The following PAWR variants were observed in gnomAD, a reference collection of about 807,000 sequenced individuals.
PAWR encodes the protein pro-apoptotic WT1 regulator.
In PAWR, 23 loss-of-function variants were observed where a neutral mutation model predicts 32.0. The ratio of observed to expected loss-of-function variants is 0.72; its 90% CI spans 0.52 to 1.02. The LOEUF (loss-of-function observed/expected upper bound fraction) is 1.02, where lower values mean the gene tolerates loss of function less well. PAWR is among the 50% of genes least tolerant of loss of function. The pLI, the probability that PAWR is intolerant of heterozygous loss-of-function variation, is 0.00. For synonymous variants in PAWR, 226 were observed against 187.1 expected (o/e 1.21, Z -1.70); for missense variants, 457 against 437.7 (o/e 1.04, Z -0.39).
In PAWR at chr12:79,587,232, C is replaced by T. The variant is rs1873409876; in HGVS notation, c.*5375G>A. 2.6e-5 allele frequency: 4 copies of T among 152,100 alleles called. No individual in the cohort carries two copies. In the South Asian group the frequency reaches 8.3e-4, roughly 31 times the overall value. The allele number at this position is 152,100 out of a possible 1,614,324, so 9.4% of individuals were successfully genotyped here. A position where few individuals can be genotyped will look rare whatever the true frequency, so the allele number is the denominator to read the frequency against. ...TGAAGAGTTTATCTAAATAGACTGA[C>T]TTAAGGATGCTTTTCCTCTTGTTAG... On this transcript the variant is annotated 3_prime_UTR_variant, in exon 7 of 7. Coordinates refer to ENST00000328827, the MANE Select transcript of PAWR (RefSeq NM_002583.4).
At chr12:79,607,565 C>G (rs1874237602) in intron 4 of PAWR, among the ~76,000 whole-genome samples, 3 of 151,502 alleles carry the variant, frequency 2.0e-5, no homozygotes, top group Non-Finnish European at 4.4e-5. Flanking sequence ...CCTGTCTCTA[C>G]AAAAAATTTA....
At chr12:79,613,968 T>TACACATATATATATATATATAC (rs1874592859) in intron 3 of PAWR, among the ~76,000 whole-genome samples, 2 of 9,896 alleles carry the variant, frequency 2.0e-4, no homozygotes, top group African/African-American at 1.4e-3. Flanking sequence ...TATATATATA[T>TACACATATATATATATATATAC]ATATATATAT....
intron 2 of PAWR, among the ~76,000 whole-genome samples, chr12:79,679,037 A>AC (rs1205474528): frequency 6.6e-6 from 1 of 152,142 alleles, no homozygotes; most frequent in African/African-American, 2.4e-5. Context: ...TGCTGAGATA[A>AC]CAGGTGAAAG....
intron 2 of PAWR, among the ~76,000 whole-genome samples, chr12:79,641,483 T>G (rs1876317742): frequency 6.6e-6 from 1 of 152,206 alleles, no homozygotes; most frequent in African/African-American, 2.4e-5. Context: ...TAGCTTATTC[T>G]CTATTTTTAC....
At chr12:79,611,244 T>C (rs35636392) in intron 4 of PAWR, among the ~76,000 whole-genome samples, 3 of 146,514 alleles carry the variant, frequency 2.0e-5, no homozygotes, top group Non-Finnish European at 4.5e-5. Context: ...TCTTATACAG[T>C]ATATATTATA....
chr12:79,680,518 T>C (rs957423480), intron 2 of PAWR, among the ~76,000 whole-genome samples: 53 of 152,240 alleles, frequency 3.5e-4, no homozygotes, highest in Non-Finnish European at 3.2e-4. Flanking sequence ...TCTATCTTTT[T>C]AAATGCCATT....
At chr12:79,619,529 C>T (rs1566004890) in intron 3 of PAWR, among the ~76,000 whole-genome samples, 1 of 152,142 alleles carries the variant, frequency 6.6e-6, no homozygotes, top group Non-Finnish European at 1.5e-5. Flanking sequence ...CAAATATGTG[C>T]ATAGTATATA....
Position 79,586,591 on chromosome 12 carries a change from A to G in PAWR, c.*6016T>C, listed in dbSNP as rs1457103008. On this transcript the variant is annotated 3_prime_UTR_variant, in exon 7 of 7. Transcript: ENST00000328827. ...ATTATATGTGGATTAACAATAGTGA[A>G]TAACTGAGCACATATTAACATGAAT... is the stretch of plus-strand genomic sequence containing the variant. The G allele has an allele frequency of 6.6e-6, 1 of 152,248 alleles. No individual in the cohort carries two copies. The highest frequency in any genetic ancestry group is 1.9e-4 in the East Asian group (1 of 5,200). 9.4% of individuals were successfully genotyped at this position (152,248 alleles called of 1,614,324 possible). A position where few individuals can be genotyped will look rare whatever the true frequency, so the allele number is the denominator to read the frequency against.
Position 79,590,013 on chromosome 12 carries a change from T to C in PAWR, c.*2594A>G, listed in dbSNP as rs1436610615. 1 of 152,090 alleles carries C rather than the reference T, an allele frequency of 6.6e-6. No homozygotes were observed. The highest frequency in any genetic ancestry group is 1.9e-4 in the East Asian group (1 of 5,190). 9.4% of individuals were successfully genotyped at this position (152,090 alleles called of 1,614,324 possible). On this transcript the variant is annotated 3_prime_UTR_variant, in exon 7 of 7. Transcript: ENST00000328827. ...AGATCCTACTTTATTTTTCAATGGT[T>C]AGTGTAAAATTCTGTATGTAAAATA...
intron 2 of PAWR, among the ~76,000 whole-genome samples, chr12:79,670,943 G>A (rs1364587648): frequency 2.4e-4 from 35 of 148,820 alleles, no homozygotes; most frequent in African/African-American, 8.6e-4. Context: ...CAAGCACTGA[G>A]CTAAGTATTA....
chr12:79,613,225 T>C lies in PAWR; in HGVS notation c.683+350A>G, dbSNP rs553603868. Reference sequence around the variant, plus strand: ...TGTGAGAAAATTAATTTCTGTTAAGTCACCAGTCTATAGTATTTTGTTATG... The same window carrying C: ...TGTGAGAAAATTAATTTCTGTTAAGCCACCAGTCTATAGTATTTTGTTATG... On this transcript the variant is annotated intron_variant, in intron 4 of 6. Coordinates refer to ENST00000328827, the MANE Select transcript of PAWR (RefSeq NM_002583.4). Among the ~76,000 whole-genome samples, 41 of 152,300 alleles carry C rather than the reference T, an allele frequency of 2.7e-4. 1 individual carries two copies. In the Middle Eastern group the frequency reaches 0.01, roughly 38 times the overall value.
At chr12:79,610,307 T>C (rs1296914508) in intron 4 of PAWR, among the ~76,000 whole-genome samples, 1 of 152,196 alleles carries the variant, frequency 6.6e-6, no homozygotes, top group Non-Finnish European at 1.5e-5. Context: ...TGAACAAAAC[T>C]GTATATAAGC....
At chr12:79,630,029 C>A in intron 2 of PAWR, among the ~76,000 whole-genome samples, 1 of 151,402 alleles carries the variant, frequency 6.6e-6, no homozygotes, top group East Asian at 1.9e-4. Context: ...AGTCTCAAAT[C>A]AATGATCAAG....
intron 2 of PAWR, among the ~76,000 whole-genome samples, chr12:79,672,954 C>A (rs1877981365): frequency 6.6e-6 from 1 of 152,142 alleles, no homozygotes; most frequent in Admixed American, 6.6e-5. Flanking sequence ...TTCTACAGCA[C>A]ACACTAAACC....
chr12:79,665,846 A>G lies in PAWR; in HGVS notation c.516+23883T>C, dbSNP rs571921019. Among the ~76,000 whole-genome samples, 56 of 152,326 alleles carry G rather than the reference A, an allele frequency of 3.7e-4. 1 individual carries two copies. The highest frequency in any genetic ancestry group is 3.2e-3 in the Admixed American group (49 of 15,298). Reference sequence around the variant, plus strand: ...ATAAAATCAAACTGCAGCAAAACTCAATATCCCGTAACAGAGCCTGATTTT... The same window carrying G: ...ATAAAATCAAACTGCAGCAAAACTCGATATCCCGTAACAGAGCCTGATTTT... On this transcript the variant is annotated intron_variant, in intron 2 of 6. Transcript: ENST00000328827.
intron 2 of PAWR, among the ~76,000 whole-genome samples, chr12:79,655,482 A>C (rs113549266): frequency 6.6e-6 from 1 of 152,204 alleles, no homozygotes; most frequent in Non-Finnish European, 1.5e-5. Flanking sequence ...CCAAAATATC[A>C]GTGCCCAGGA....
At chr12:79,632,357 ATATAT>A (rs1566011186) in intron 2 of PAWR, among the ~76,000 whole-genome samples, 2 of 17,730 alleles carry the variant, frequency 1.1e-4, no homozygotes, top group African/African-American at 3.2e-4. Context: ...ATATATATAT[ATATAT>A]TTTTTTTTTT....
In PAWR at chr12:79,620,270, G is replaced by A. The variant is rs186358336; in HGVS notation, c.648+806C>T. ...TATCAAATTAACAAATATTTTAAAA[G>A]GAAAAACTCATCCTTCCCCTTCCTT... On this transcript the variant is annotated intron_variant, in intron 3 of 6. Transcript: ENST00000328827. Among the ~76,000 whole-genome samples the A allele has an allele frequency of 8.5e-5, 13 of 152,184 alleles. 1 individual carries two copies. The East Asian group carries it at 2.5e-3, about 29-fold the overall frequency.
rs1272388859 is a variant in PAWR, at chr12:79,591,608, G to A, written c.*999C>T. 6.6e-6 allele frequency: 1 copy of A among 152,100 alleles called. No individual in the cohort carries two copies. The highest frequency in any genetic ancestry group is 1.9e-4 in the East Asian group (1 of 5,192). 9.4% of individuals were successfully genotyped at this position (152,100 alleles called of 1,614,324 possible). On this transcript the variant is annotated 3_prime_UTR_variant, in exon 7 of 7. Coordinates refer to ENST00000328827, the MANE Select transcript of PAWR (RefSeq NM_002583.4). ...GTTAGGAAGAAAATCCCTTAAATTT[G>A]AAATAGCGGAATATTCTCTCATATG...
Sources: allele counts gnomAD v4.1 joint callset (sites outside exome capture counted in the v4.1 genomes callset), GRCh38; gene constraint gnomAD v4.1.1; transcripts MANE v1.5; gene names NCBI Gene and HGNC (gene_info 2026-07-23, HGNC 2026-07-21).